PLCB1: variants seen among roughly 807,000 people sequenced by gnomAD.
PLCB1 encodes the protein phospholipase C beta 1.
A neutral mutation model predicts 161.8 loss-of-function variants in PLCB1; 46 were observed. The observed-to-expected ratio is 0.28, with a 90% confidence interval of 0.22 to 0.36. The LOEUF (loss-of-function observed/expected upper bound fraction) is 0.36. Ranked by LOEUF, PLCB1 falls within the 10% of genes least tolerant of loss-of-function variation. PLCB1 has a pLI of 1.00. For synonymous variants in PLCB1, 517 were observed against 503.7 expected (o/e 1.03, Z -0.35); for missense variants, 1,016 against 1,472.5 (o/e 0.69, Z 5.07).
At chr20:8,462,969 A>C (rs562047684) in intron 3 of PLCB1, among the ~76,000 whole-genome samples, 2 of 152,168 alleles carry the variant, frequency 1.3e-5, no homozygotes, top group African/African-American at 4.8e-5. Flanking sequence ...ATATTATTCC[A>C]ACCTCGAATA....
intron 3 of PLCB1, among the ~76,000 whole-genome samples, chr20:8,625,674 C>T (rs1003937844): frequency 1.3e-5 from 2 of 152,104 alleles, no homozygotes; most frequent in Admixed American, 1.3e-4. Flanking sequence ...GTAAGTGTTT[C>T]TCAAATCTAA....
At chr20:8,870,835 T>C (rs1987584089) in intron 31 of PLCB1, among the ~76,000 whole-genome samples, 1 of 152,174 alleles carries the variant, frequency 6.6e-6, no homozygotes, top group African/African-American at 2.4e-5. Flanking sequence ...AAGAATGGTT[T>C]AATATTTATC....
At chr20:8,236,748 C>T (rs1012265426) in intron 2 of PLCB1, among the ~76,000 whole-genome samples, 2 of 151,854 alleles carry the variant, frequency 1.3e-5, no homozygotes, top group Non-Finnish European at 2.9e-5. Context: ...ATTTTAGAAA[C>T]TTTAAATCCT....
chr20:8,441,090 T>C (rs1980539418), intron 3 of PLCB1, among the ~76,000 whole-genome samples: 2 of 152,190 alleles, frequency 1.3e-5, no homozygotes, highest in African/African-American at 4.8e-5. Flanking sequence ...AGAAATCCAG[T>C]ATATACCCAC....
chr20:8,819,063 C>T lies in PLCB1; in HGVS notation c.3423+28802C>T, dbSNP rs569808221. Among the ~76,000 whole-genome samples the T allele has an allele frequency of 5.3e-4, 80 of 152,082 alleles. No homozygotes were observed. In the Middle Eastern group the frequency reaches 0.01, roughly 20 times the overall value. On this transcript the variant is annotated intron_variant, in intron 31 of 31. Transcript: ENST00000338037. Reference sequence around the variant, plus strand: ...AAAATTTTTATGGTAAAGCAATGGCCCAGGAATTACCAAGATGTTTCTGAA... The same window carrying T: ...AAAATTTTTATGGTAAAGCAATGGCTCAGGAATTACCAAGATGTTTCTGAA...
At chr20:8,173,790 T>A (rs1325553554) in intron 2 of PLCB1, among the ~76,000 whole-genome samples, 1 of 151,732 alleles carries the variant, frequency 6.6e-6, no homozygotes, top group Non-Finnish European at 1.5e-5. Flanking sequence ...AGCAAAAAAA[T>A]AGAAGTTTTT....
intron 29 of PLCB1, 145 bp from the exon 30 acceptor site, chr20:8,789,373 T>C (rs1983641645): frequency 1.6e-6 from 1 of 639,684 alleles, no homozygotes; most frequent in Non-Finnish European, 2.7e-6. Context: ...AGCGAAACCT[T>C]GTCTCCAATA....
chr20:8,454,619 G>A (rs768494610), intron 3 of PLCB1, among the ~76,000 whole-genome samples: 19 of 152,160 alleles, frequency 1.2e-4, no homozygotes, highest in Non-Finnish European at 2.9e-5. Flanking sequence ...ATCCGAGTGA[G>A]TGATGGTGTT....
At chr20:8,225,906 C>T (rs938421651) in intron 2 of PLCB1, among the ~76,000 whole-genome samples, 14 of 152,170 alleles carry the variant, frequency 9.2e-5, no homozygotes, top group African/African-American at 2.7e-4. Flanking sequence ...TTTGATGTTA[C>T]CAGTTAAATA....
intron 2 of PLCB1, among the ~76,000 whole-genome samples, chr20:8,159,988 CAAAAA>C (rs375028388): frequency 1.3e-5 from 1 of 79,330 alleles, no homozygotes; most frequent in African/African-American, 4.4e-5. Context: ...AACTCCATCT[CAAAAA>C]AAAAAAAAAA....
intron 31 of PLCB1, among the ~76,000 whole-genome samples, chr20:8,863,896 T>G (rs745340998): frequency 6.6e-6 from 1 of 152,200 alleles, no homozygotes; most frequent in Non-Finnish European, 1.5e-5. Flanking sequence ...AAGATGGTCA[T>G]TCATAGCAAG....
At chr20:8,459,967 C>G (rs1981503697) in intron 3 of PLCB1, among the ~76,000 whole-genome samples, 1 of 152,154 alleles carries the variant, frequency 6.6e-6, no homozygotes, top group African/African-American at 2.4e-5. Flanking sequence ...TATGAAGCCA[C>G]CTTAAGTGGC....
chr20:8,780,942 C>G (rs1983188444), intron 27 of PLCB1, among the ~76,000 whole-genome samples: 1 of 152,204 alleles, frequency 6.6e-6, no homozygotes. Flanking sequence ...CTGTACAATA[C>G]CTGAATTGAC....
chr20:8,214,086 G>A (rs1262591541), intron 2 of PLCB1, among the ~76,000 whole-genome samples: 1 of 152,088 alleles, frequency 6.6e-6, no homozygotes, highest in Non-Finnish European at 1.5e-5. Flanking sequence ...AAACAAAGGA[G>A]GTTGAGGTAA....
chr20:8,584,215 A>G (rs1459283285), intron 3 of PLCB1, among the ~76,000 whole-genome samples: 1 of 152,164 alleles, frequency 6.6e-6, no homozygotes, highest in Non-Finnish European at 1.5e-5. Flanking sequence ...AAATTTGATC[A>G]TATTCAAAAT....
chr20:8,340,645 C>T (rs1420998396), intron 2 of PLCB1, among the ~76,000 whole-genome samples: 1 of 151,958 alleles, frequency 6.6e-6, no homozygotes, highest in African/African-American at 2.4e-5. Flanking sequence ...AGGATGGTCT[C>T]GATCTCCTGA....
At chr20:8,271,164 A>G (rs1982260892) in intron 2 of PLCB1, among the ~76,000 whole-genome samples, 1 of 152,096 alleles carries the variant, frequency 6.6e-6, no homozygotes, top group Non-Finnish European at 1.5e-5. Flanking sequence ...ATTCCCTTAG[A>G]TGCTTTTGGT....
chr20:8,545,130 T>C (rs6086491), intron 3 of PLCB1, among the ~76,000 whole-genome samples: 15,348 of 152,158 alleles, frequency 0.1, 1,241 homozygotes, highest in African/African-American at 0.23. Context: ...TGGAGTTAGA[T>C]AGGGGGAAAA....
rs147278507 is a variant in PLCB1, at chr20:8,756,815, G to A, written c.2524-231G>A. On this transcript the variant is annotated intron_variant, in intron 23 of 31. Coordinates refer to ENST00000338037, the MANE Select transcript of PLCB1 (RefSeq NM_015192.4). ...GTCAGTGTGGAAGGGCACCACCAAC[G>A]GGCATAGACATAGGTTGGTGTAAAA... Among the ~76,000 whole-genome samples, 90 of 152,214 alleles carry A rather than the reference G, an allele frequency of 5.9e-4. 3 individuals carry two copies. The East Asian group carries it at 0.016, about 27-fold the overall frequency.
Sources: gnomAD v4.1 joint callset for allele counts (sites outside exome capture counted in the v4.1 genomes callset) on GRCh38, gnomAD v4.1.1 for gene constraint, MANE v1.5 for transcripts, NCBI Gene and HGNC (gene_info 2026-07-23, HGNC 2026-07-21) for gene names.